The following PHEX variants were observed in gnomAD, a reference collection of about 807,000 sequenced individuals.
PHEX encodes the protein phosphate-regulating neutral endopeptidase PHEX.
PHEX carries 16 observed loss-of-function variants against 68.0 expected under a neutral mutation model. The observed-to-expected ratio is 0.24, with a 90% confidence interval of 0.16 to 0.36. The LOEUF is 0.36. Ranked by LOEUF, PHEX falls within the 10% of genes least tolerant of loss-of-function variation. PHEX has a pLI of 1.00. For missense variants in PHEX, 480 were observed against 575.5 expected (o/e 0.83, Z 1.70); for synonymous variants, 208 against 205.1 (o/e 1.01, Z -0.12).
At chrX:22,199,551 G>A (rs913119125) in intron 15 of PHEX, among the ~76,000 whole-genome samples, 19 of 111,479 alleles carry the variant, frequency 1.7e-4, no homozygotes, top group African/African-American at 5.2e-4. Flanking sequence ...CACCTGGGAC[G>A]TGAATCATCT....
intron 16 of PHEX, among the ~76,000 whole-genome samples, chrX:22,218,082 C>G (rs945833315): frequency 9.1e-6 from 1 of 110,010 alleles, no homozygotes; most frequent in Non-Finnish European, 1.9e-5. Context: ...TGGGCTGGCT[C>G]TCGTGGCTGG....
intron 5 of PHEX, among the ~76,000 whole-genome samples, chrX:22,088,934 C>T (rs1015226690): frequency 8.9e-6 from 1 of 112,161 alleles, no homozygotes; most frequent in African/African-American, 3.2e-5. Context: ...TTAGGTTTTA[C>T]ATTTAGGGCT....
chrX:22,111,415 C>T lies in PHEX; in HGVS notation c.1080-52C>T, dbSNP rs1242459204. On this transcript the variant is annotated intron_variant, in intron 9 of 21. Transcript: ENST00000379374. ...GTTTCTCTCAAGATGTTCTGCAGAG[C>T]ATCAGATATTGACCTAAAATACAAT... 6.5e-5 allele frequency: 61 copies of T among 931,581 alleles called. No homozygotes were observed. In the Admixed American group the frequency reaches 1.3e-3, roughly 20 times the overall value. 76.8% of individuals were successfully genotyped at this position (931,581 alleles called of 1,213,427 possible).
intron 16 of PHEX, among the ~76,000 whole-genome samples, chrX:22,218,137 C>G (rs1365928258): frequency 1.8e-5 from 2 of 110,605 alleles, no homozygotes; most frequent in East Asian, 5.7e-4. Context: ...CTCTCAACTT[C>G]TGGGGTTTCT....
chrX:22,235,582 G>A (rs1348434330), intron 20 of PHEX, among the ~76,000 whole-genome samples: 7 of 110,956 alleles, frequency 6.3e-5, no homozygotes, highest in Non-Finnish European at 9.4e-5. Flanking sequence ...TCTTATAAGG[G>A]TACTAATCCC....
intron 12 of PHEX, among the ~76,000 whole-genome samples, chrX:22,140,340 G>C (rs1483864064): frequency 9.0e-6 from 1 of 111,111 alleles, no homozygotes; most frequent in Non-Finnish European, 1.9e-5. Flanking sequence ...GCTTGAGAGA[G>C]ATCCAAAGGC....
intron 15 of PHEX, among the ~76,000 whole-genome samples, chrX:22,210,388 A>G (rs1041782218): frequency 4.5e-5 from 5 of 111,893 alleles, no homozygotes; most frequent in Non-Finnish European, 9.4e-5. Context: ...AGAGGTTGGC[A>G]ATGGACGTAA....
At chrX:22,064,918 A>T (rs1928528401) in intron 3 of PHEX, among the ~76,000 whole-genome samples, 1 of 112,287 alleles carries the variant, frequency 8.9e-6, no homozygotes, top group Non-Finnish European at 1.9e-5. Flanking sequence ...ATGTAATTGC[A>T]GATTAATAAC....
intron 14 of PHEX, among the ~76,000 whole-genome samples, chrX:22,188,689 T>C (rs1934107634): frequency 8.9e-6 from 1 of 112,223 alleles, no homozygotes; most frequent in Admixed American, 9.5e-5. Flanking sequence ...AGGCCTGCAA[T>C]GCATAATCAT....
At chrX:22,153,007 T>G (rs1932881900) in intron 12 of PHEX, among the ~76,000 whole-genome samples, 1 of 110,010 alleles carries the variant, frequency 9.1e-6, no homozygotes, top group Non-Finnish European at 1.9e-5. Flanking sequence ...TTTTTTTTTT[T>G]TTGAGACAGG....
intron 2 of PHEX, among the ~76,000 whole-genome samples, chrX:22,041,259 CTCTCTCTATATATATATATATA>C (rs1469855831): frequency 6.1e-5 from 4 of 65,734 alleles, no homozygotes; most frequent in East Asian, 4.4e-4. Flanking sequence ...CTCTCTCTCT[CTCTCTCTATATATATATATATA>C]TATATATATA....
intron 12 of PHEX, among the ~76,000 whole-genome samples, chrX:22,152,423 C>T (rs761673464): frequency 7.6e-4 from 85 of 112,037 alleles, no homozygotes; most frequent in Middle Eastern, 4.6e-3. Flanking sequence ...TTGAAAATGT[C>T]CTTTCCACAA....
Position 22,149,552 on chromosome X carries a change from G to C in PHEX, c.1404+15928G>C, listed in dbSNP as rs186896840. Among the ~76,000 whole-genome samples the C allele has an allele frequency of 4.1e-3, 461 of 112,190 alleles. 2 individuals carry two copies. Among genetic ancestry groups the C allele is most frequent in the Non-Finnish European group, 6.4e-3 (341 of 53,161 alleles). ...GTGGATCACTTGAGGTCAGGAGTTC[G>C]AGACCAGCCTGGCCAACATGGCAAA... is the stretch of plus-strand genomic sequence containing the variant. On this transcript the variant is annotated intron_variant, in intron 12 of 21. Coordinates refer to ENST00000379374, the MANE Select transcript of PHEX (RefSeq NM_000444.6).
chrX:22,230,971 A>G (rs1237036725), intron 20 of PHEX, among the ~76,000 whole-genome samples: 1 of 111,842 alleles, frequency 8.9e-6, no homozygotes, highest in African/African-American at 3.3e-5. Flanking sequence ...TAGTTTACTG[A>G]GAGTTTTTAG....
intron 3 of PHEX, among the ~76,000 whole-genome samples, chrX:22,049,577 GA>G (rs1408107165): frequency 2.5e-4 from 28 of 110,751 alleles, no homozygotes; most frequent in Non-Finnish European, 5.7e-5. Context: ...TTGCCTTTTA[GA>G]AAGTTTATTT....
intron 7 of PHEX, among the ~76,000 whole-genome samples, chrX:22,095,031 C>T (rs1018979151): frequency 1.8e-5 from 2 of 111,514 alleles, no homozygotes; most frequent in African/African-American, 6.5e-5. Flanking sequence ...GTAAAAATCT[C>T]GAGATGAATA....
chrX:22,238,451 G>A (rs888562659), intron 20 of PHEX, among the ~76,000 whole-genome samples: 1 of 111,330 alleles, frequency 9.0e-6, no homozygotes, highest in African/African-American at 3.3e-5. Flanking sequence ...CAGACCAGGA[G>A]ATTCCTTACA....
At chrX:22,080,154 G>T (rs1929326219) in intron 5 of PHEX, among the ~76,000 whole-genome samples, 1 of 111,278 alleles carries the variant, frequency 9.0e-6, no homozygotes, top group South Asian at 3.8e-4. Context: ...AGAGAAACAT[G>T]GTAACCAATT....
intron 9 of PHEX, chrX:22,099,454 ATGTC>A (rs1930318801): frequency 8.1e-6 from 2 of 247,461 alleles, no homozygotes; most frequent in East Asian, 1.7e-4. Flanking sequence ...ATTTTCTAAA[ATGTC>A]TGTGTGAACA....
Sources: allele counts gnomAD v4.1 joint callset (sites outside exome capture counted in the v4.1 genomes callset), GRCh38; gene constraint gnomAD v4.1.1; transcripts MANE v1.5; gene names NCBI Gene and HGNC (gene_info 2026-07-23, HGNC 2026-07-21).